ABHD14B: variants seen among roughly 807,000 people sequenced by gnomAD.
ABHD14B encodes abhydrolase domain containing 14B.
ABHD14B carries 19 observed loss-of-function variants against 15.4 expected under a neutral mutation model. That is an observed-to-expected ratio of 1.23 (90% CI 0.86 to 1.81). ABHD14B has a LOEUF of 1.81. ABHD14B is among the 40% of genes most tolerant of loss of function. The pLI, the probability that ABHD14B is intolerant of heterozygous loss-of-function variation, is 0.00. For synonymous variants in ABHD14B, 92 were observed against 117.3 expected (o/e 0.78, Z 1.39); for missense variants, 243 against 267.0 (o/e 0.91, Z 0.63).
At chr3:51,970,208 A>C in intron 2 of ABHD14B, 24 bp from the exon 3 acceptor site, 1 of 1,518,416 alleles carries the variant, frequency 6.6e-7, no homozygotes, top group Non-Finnish European at 8.8e-7. Flanking sequence ...GGTGTGAAAG[A>C]GACAAGACAA....
intron 3 of ABHD14B, 169 bp from the exon 4 acceptor site, chr3:51,969,774 C>T (rs1700617436): frequency 2.1e-6 from 3 of 1,430,332 alleles, no homozygotes; most frequent in Admixed American, 1.9e-5. Context: ...CACAGTTTAG[C>T]ACAGGGCTTG....
chr3:51,969,624 G>T lies in ABHD14B; in HGVS notation c.454-19C>A, dbSNP rs1186360545. 1.2e-6 allele frequency: 2 copies of T among 1,602,894 alleles called. No individual in the cohort carries two copies. Among genetic ancestry groups the T allele is most frequent in the Admixed American group, 1.7e-5 (1 of 59,136 alleles). On this transcript the variant is annotated intron_variant, in intron 3 of 3. Coordinates refer to ENST00000361143, the MANE Select transcript of ABHD14B (RefSeq NM_001146314.2). Reference sequence around the variant, plus strand: ...CTGGAGTCTGAGAGGAAGGATAGGGGGGTGGGGCAGAGTCAACAGGGACCT... The same window carrying T: ...CTGGAGTCTGAGAGGAAGGATAGGGTGGTGGGGCAGAGTCAACAGGGACCT...
chr3:51,973,786 C>G, intron 1 of ABHD14B, 179 bp downstream of exon 1: 1 of 1,246,834 alleles, frequency 8.0e-7, no homozygotes, highest in South Asian at 1.2e-5. Context: ...GTTGACCTCG[C>G]GGTCAGGTTG....
In ABHD14B at chr3:51,971,722, G is replaced by A. The variant is rs561663071; in HGVS notation, c.-28-24C>T. 245 of 1,591,224 alleles carry A rather than the reference G, an allele frequency of 1.5e-4. No homozygotes were observed. The African/African-American group carries it at 2.9e-3, about 19-fold the overall frequency. On this transcript the variant is annotated intron_variant, in intron 1 of 3. Transcript: ENST00000361143. ...GCCTGTGGTTCAAAACCACGATGAT[G>A]AGGGGCCACAGAACACCCTGCCCAG...
At chr3:51,974,327 C>T (rs1700735329), upstream of ABHD14B, 1 of 330,844 alleles carries the variant, frequency 3.0e-6, no homozygotes, top group East Asian at 9.3e-5. Context: ...CCCCCTTATC[C>T]CCAGCTTGAA....
At chr3:51,969,783 T>C (rs1284331799) in intron 3 of ABHD14B, 160 bp downstream of exon 3, 1 of 1,449,858 alleles carries the variant, frequency 6.9e-7, no homozygotes, top group Admixed American at 1.8e-5. Context: ...GCACAGGGCT[T>C]GGCACAGTAG....
rs527765787 is a variant in ABHD14B, at chr3:51,968,587, G to A, written c.*839C>T. On this transcript the variant is annotated 3_prime_UTR_variant, in exon 4 of 4. Coordinates refer to ENST00000361143, the MANE Select transcript of ABHD14B (RefSeq NM_001146314.2). Reference sequence around the variant, plus strand: ...CCACAAGCCTCAGAGCAGGAAACAAGCTTGGCTGAGATGCCTCAGGCCTGG... The same window carrying A: ...CCACAAGCCTCAGAGCAGGAAACAAACTTGGCTGAGATGCCTCAGGCCTGG... 2 of 152,278 alleles carry A rather than the reference G, an allele frequency of 1.3e-5. No homozygotes were observed. Among genetic ancestry groups the A allele is most frequent in the African/African-American group, 4.8e-5 (2 of 41,474 alleles). 9.4% of individuals were successfully genotyped at this position (152,278 alleles called of 1,614,324 possible). A position where few individuals can be genotyped will look rare whatever the true frequency, so the allele number is the denominator to read the frequency against.
intron 1 of ABHD14B, chr3:51,973,743 G>A (rs368140761): frequency 1.1e-5 from 10 of 947,280 alleles, no homozygotes; most frequent in African/African-American, 1.0e-4. Flanking sequence ...GGGATGCGGG[G>A]TGCTCAACGC....
Position 51,974,012 on chromosome 3 carries a change from G to C in ABHD14B, c.-76C>G. 1 of 1,289,032 alleles carries C rather than the reference G, an allele frequency of 7.8e-7. No individual in the cohort carries two copies. The highest frequency in any genetic ancestry group is 1.0e-6 in the Non-Finnish European group (1 of 988,846). 79.8% of individuals were successfully genotyped at this position (1,289,032 alleles called of 1,614,324 possible). On this transcript the variant is annotated 5_prime_UTR_variant, in exon 1 of 4. Transcript: ENST00000361143. ...GCAGACGGGAAGCAGGCGCGTGCTG[G>C]CGGTGACCTGGGGCCGGAGGAGGAA...
chr3:51,973,264 G>A (rs796576088), intron 1 of ABHD14B, among the ~76,000 whole-genome samples: 450 of 151,142 alleles, frequency 3.0e-3, no homozygotes, highest in African/African-American at 0.01. Context: ...GTTAGCCAGG[G>A]TGGTCTCGAT....
intron 1 of ABHD14B, among the ~76,000 whole-genome samples, chr3:51,973,376 G>C (rs759516624): frequency 2.4e-4 from 36 of 151,012 alleles, no homozygotes; most frequent in Non-Finnish European, 4.4e-4. Flanking sequence ...AGTAGAAACG[G>C]GGTTTCATCA....
intron 2 of ABHD14B, 23 bp from the exon 3 acceptor site, chr3:51,970,207 G>A: frequency 6.6e-7 from 1 of 1,518,782 alleles, no homozygotes; most frequent in Non-Finnish European, 8.8e-7. Flanking sequence ...AGGTGTGAAA[G>A]AGACAAGACA....
intron 1 of ABHD14B, among the ~76,000 whole-genome samples, chr3:51,973,505 GT>G (rs549700735): frequency 0.042 from 5,266 of 126,802 alleles, 148 homozygotes; most frequent in African/African-American, 0.11. Flanking sequence ...ATTTTCTTCG[GT>G]TTTTTTTTTT....
intron 1 of ABHD14B, among the ~76,000 whole-genome samples, chr3:51,972,205 C>G (rs1187076867): frequency 6.9e-6 from 1 of 145,222 alleles, no homozygotes; most frequent in African/African-American, 2.6e-5. Context: ...CCACTGTGCT[C>G]CAGCCTGGGT....
In ABHD14B at chr3:51,973,960, G is replaced by C; in HGVS notation, c.-29+5C>G. On this transcript the variant is annotated splice_donor_5th_base_variant and intron_variant, in intron 1 of 3. Coordinates refer to ENST00000361143, the MANE Select transcript of ABHD14B (RefSeq NM_001146314.2). The stretch of plus-strand genomic sequence containing the variant: ...AAGAAAGGGTCAGGAGTGCAGGGCG[G>C]GTACCTGGGGAGCTGCGTGGACTCG... 1 of 1,289,714 alleles carries C rather than the reference G, an allele frequency of 7.8e-7. No individual in the cohort carries two copies. The highest frequency in any genetic ancestry group is 1.0e-6 in the Non-Finnish European group (1 of 988,862). 79.9% of individuals were successfully genotyped at this position (1,289,714 alleles called of 1,614,324 possible).
intron 2 of ABHD14B, 60 bp from the exon 3 acceptor site, chr3:51,970,244 G>A: frequency 3.3e-6 from 5 of 1,514,606 alleles, no homozygotes; most frequent in South Asian, 1.4e-5. Flanking sequence ...AAACAAGGGA[G>A]ATGGTTGCTC....
intron 2 of ABHD14B, chr3:51,970,488 C>T: frequency 1.7e-6 from 1 of 597,896 alleles, no homozygotes; most frequent in Non-Finnish European, 3.1e-6. Context: ...TCTATGTGAC[C>T]TTGGGTAGGT....
chr3:51,970,817 G>A (rs1297724205), intron 2 of ABHD14B: 2 of 455,720 alleles, frequency 4.4e-6, no homozygotes, highest in African/African-American at 2.0e-5. Flanking sequence ...GGCCTGAGGG[G>A]GTGGGGCCAG....
At chr3:51,970,652 A>G (rs941337732) in intron 2 of ABHD14B, 1 of 458,174 alleles carries the variant, frequency 2.2e-6, no homozygotes, top group Non-Finnish European at 4.4e-6. Flanking sequence ...ACAGCAGCTG[A>G]GGGGTCGGTT....
Sources: allele counts gnomAD v4.1 joint callset (sites outside exome capture counted in the v4.1 genomes callset), GRCh38; gene constraint gnomAD v4.1.1; transcripts MANE v1.5; gene names NCBI Gene and HGNC (gene_info 2026-07-23, HGNC 2026-07-21).